Variants in MDGA1 observed in about 807,000 individuals in gnomAD.
MDGA1 encodes MAM domain containing glycosylphosphatidylinositol anchor 1.
Under a neutral mutation model 101.5 loss-of-function variants are expected in MDGA1, and 54 were observed. The ratio of observed to expected loss-of-function variants is 0.53; its 90% CI spans 0.43 to 0.67. The LOEUF is 0.67. Ranked by LOEUF, MDGA1 falls within the 30% of genes least tolerant of loss-of-function variation. The pLI, the probability that MDGA1 is intolerant of heterozygous loss-of-function variation, is 0.00. For synonymous variants in MDGA1, 533 were observed against 558.3 expected, an observed-to-expected ratio of 0.95 and a Z score of 0.64; for missense variants, 1,083 against 1,323.8, an observed-to-expected ratio of 0.82 and a Z score of 2.82.
chr6:37,692,406 C>T (rs1007676532), intron 1 of MDGA1, among the ~76,000 whole-genome samples: 1 of 150,160 alleles, frequency 6.7e-6, no homozygotes, highest in African/African-American at 2.5e-5. Context: ...TTCATGAGCC[C>T]AGCCATGAGA....
intron 2 of MDGA1, among the ~76,000 whole-genome samples, chr6:37,662,946 G>C (rs1299842267): frequency 6.6e-6 from 1 of 152,158 alleles, no homozygotes; most frequent in African/African-American, 2.4e-5. Flanking sequence ...TACTCCAGCA[G>C]CATTGTTTTC....
chr6:37,670,192 T>C (rs541060659), intron 1 of MDGA1, among the ~76,000 whole-genome samples: 1 of 152,316 alleles, frequency 6.6e-6, no homozygotes, highest in African/African-American at 2.4e-5. Flanking sequence ...ATGCAATATA[T>C]GTAAAACACC....
In MDGA1 at chr6:37,636,464, C is replaced by T. The variant is rs537497668; in HGVS notation, c.*904G>A. On this transcript the variant is annotated 3_prime_UTR_variant, in exon 17 of 17. Transcript: ENST00000434837. ...GGGGCACCAAATCACAGAAGCGGGACGTCTCTTCTGCCTTTCTCCAAGTCA... is the reference window on the plus strand; with the variant it reads ...GGGGCACCAAATCACAGAAGCGGGATGTCTCTTCTGCCTTTCTCCAAGTCA... The T allele has an allele frequency of 6.6e-5, 10 of 152,358 alleles. 1 individual carries two copies. Among genetic ancestry groups the T allele is most frequent in the South Asian group, 4.1e-4 (2 of 4,834 alleles). 9.4% of individuals were successfully genotyped at this position (152,358 alleles called of 1,614,324 possible).
At chr6:37,644,455 C>T (rs554658775) in intron 13 of MDGA1, 42 bp downstream of exon 13, 23 of 1,500,378 alleles carry the variant, frequency 1.5e-5, no homozygotes, top group East Asian at 5.0e-5. Flanking sequence ...AGACACCCCC[C>T]TGAAGCAATC....
chr6:37,688,582 T>G (rs1345696354), intron 1 of MDGA1, among the ~76,000 whole-genome samples: 4 of 152,114 alleles, frequency 2.6e-5, no homozygotes, highest in Admixed American at 2.6e-4. Flanking sequence ...GAGCTGCTAT[T>G]CCAGCCTCCC....
rs1761454566 is a variant in MDGA1, at chr6:37,655,070, A to G, written c.580-138T>C. ...TTCCATCCCCAACCCCACCCTCACC[A>G]TTTAGCCCCAGGGGTCCTGAGCCTG... On this transcript the variant is annotated intron_variant, in intron 4 of 16. Transcript: ENST00000434837. This position sits in a 1 kb window ranked among gnomAD's most constrained non-coding sequence, Gnocchi z 5.1. 1.8e-6 allele frequency: 2 copies of G among 1,093,230 alleles called. No homozygotes were observed. Among genetic ancestry groups the G allele is most frequent in the Admixed American group, 2.5e-5 (1 of 40,484 alleles). 67.7% of individuals were successfully genotyped at this position (1,093,230 alleles called of 1,614,324 possible). A position where few individuals can be genotyped will look rare whatever the true frequency, so the allele number is the denominator to read the frequency against.
At position 37,638,318 on chromosome 6, in the gene MDGA1, G is replaced by A. The variant is rs1763982353; in HGVS notation, c.2668-5C>T. On this transcript the variant is annotated splice_region_variant and splice_polypyrimidine_tract_variant and intron_variant, in intron 15 of 16. Transcript: ENST00000434837. The surrounding 1 kb of genome is among the most constrained non-coding windows in gnomAD (Gnocchi z 4.8). ...TCGAACCCCCTCAAAAATAATCTGG[G>A]GTGGGGTCAGAAAGCAAGGAGCAAG... 6.3e-7 allele frequency: 1 copy of A among 1,599,158 alleles called. No individual in the cohort carries two copies. Among genetic ancestry groups the A allele is most frequent in the African/African-American group, 1.3e-5 (1 of 74,668 alleles).
intron 1 of MDGA1, among the ~76,000 whole-genome samples, chr6:37,691,537 T>G (rs1762308559): frequency 6.6e-6 from 1 of 152,254 alleles, no homozygotes. Flanking sequence ...TGGTGGGTTA[T>G]CAAGTGAGGT....
At chr6:37,688,922 G>A (rs767033771) in intron 1 of MDGA1, among the ~76,000 whole-genome samples, 28 of 152,130 alleles carry the variant, frequency 1.8e-4, no homozygotes, top group African/African-American at 5.8e-4. Flanking sequence ...TTTGCACAGC[G>A]CAATCCCTGG....
intron 1 of MDGA1, among the ~76,000 whole-genome samples, chr6:37,691,319 C>A (rs1762303617): frequency 6.6e-6 from 1 of 152,200 alleles, no homozygotes; most frequent in South Asian, 2.1e-4. Context: ...CCTCAGTTTT[C>A]TCATCTGTTC....
chr6:37,671,787 C>T (rs1361423682), intron 1 of MDGA1, among the ~76,000 whole-genome samples: 3 of 152,142 alleles, frequency 2.0e-5, no homozygotes, highest in Admixed American at 2.0e-4. Context: ...GGTAGGGGTG[C>T]TATAAAATGC....
chr6:37,694,585 C>G (rs550729500), intron 1 of MDGA1, among the ~76,000 whole-genome samples: 15 of 152,298 alleles, frequency 9.8e-5, no homozygotes, highest in Middle Eastern at 3.4e-3. Flanking sequence ...TTAAGCCAGT[C>G]CTGGTCCTAC....
At chr6:37,694,917 A>G (rs1003881417) in intron 1 of MDGA1, among the ~76,000 whole-genome samples, 1 of 152,068 alleles carries the variant, frequency 6.6e-6, no homozygotes, top group African/African-American at 2.4e-5. Flanking sequence ...AGATAAGCCT[A>G]TGGCTGAATC....
chr6:37,687,038 T>C (rs757584483), intron 1 of MDGA1, among the ~76,000 whole-genome samples: 1 of 152,152 alleles, frequency 6.6e-6, no homozygotes, highest in Non-Finnish European at 1.5e-5. Context: ...GACTTTGCAT[T>C]GGGCAGTCTT....
chr6:37,697,872 G>A lies in MDGA1; in HGVS notation c.-1061C>T, dbSNP rs1018467739. 2.6e-5 allele frequency: 4 copies of A among 151,324 alleles called. No homozygotes were observed. Among genetic ancestry groups the A allele is most frequent in the African/African-American group, 7.3e-5 (3 of 41,350 alleles). The allele number at this position is 151,324 out of a possible 1,614,324, so 9.4% of individuals were successfully genotyped here. On this transcript the variant is annotated 5_prime_UTR_variant, in exon 1 of 17. Transcript: ENST00000434837. ...GAGCGCTCCGCTCGCTCAGCAACTT[G>A]GGCTTTGCTGTGCTGCTTTTTCGCC...
At chr6:37,676,201 G>T (rs1477244470) in intron 1 of MDGA1, among the ~76,000 whole-genome samples, 2 of 152,242 alleles carry the variant, frequency 1.3e-5, no homozygotes, top group African/African-American at 4.8e-5. Flanking sequence ...GTCTCTAGGA[G>T]TCTGTGGCAC....
At position 37,655,967 on chromosome 6, in the gene MDGA1, G is replaced by C; in HGVS notation, c.383-71C>G. 7.3e-7 allele frequency: 1 copy of C among 1,364,166 alleles called. No homozygotes were observed. Among genetic ancestry groups the C allele is most frequent in the Non-Finnish European group, 9.9e-7 (1 of 1,008,314 alleles). The allele number at this position is 1,364,166 out of a possible 1,614,324, so 84.5% of individuals were successfully genotyped here. A position where few individuals can be genotyped will look rare whatever the true frequency, so the allele number is the denominator to read the frequency against. On this transcript the variant is annotated intron_variant, in intron 3 of 16. Coordinates refer to ENST00000434837, the MANE Select transcript of MDGA1 (RefSeq NM_153487.4). This position sits in a 1 kb window ranked among gnomAD's most constrained non-coding sequence, Gnocchi z 5.1. The stretch of plus-strand genomic sequence containing the variant: ...GGTTGGGGGGCTCAGGCTCCTGGCA[G>C]CCCTTAGGAAGAGCTGAGCCACCCT...
At chr6:37,659,746 C>T (rs1489446331) in intron 2 of MDGA1, among the ~76,000 whole-genome samples, 3 of 152,292 alleles carry the variant, frequency 2.0e-5, no homozygotes, top group East Asian at 3.9e-4. Flanking sequence ...AGTGTTGCTG[C>T]TCTCATCCCC....
intron 1 of MDGA1, among the ~76,000 whole-genome samples, chr6:37,677,968 T>C (rs2114084696): frequency 6.6e-6 from 1 of 152,294 alleles, no homozygotes; most frequent in East Asian, 1.9e-4. Context: ...CCTAAAGCCA[T>C]CTCTGCATAT....
Sources: gnomAD v4.1 joint callset for allele counts (sites outside exome capture counted in the v4.1 genomes callset) on GRCh38, gnomAD v4.1.1 for gene constraint, Gnocchi (gnomAD v3.1) non-coding constraint, MANE v1.5 for transcripts, NCBI Gene and HGNC (gene_info 2026-07-23, HGNC 2026-07-21) for gene names.